GRIN2A: variants seen among roughly 807,000 people sequenced by gnomAD.
GRIN2A encodes glutamate receptor ionotropic, NMDA 2A.
Under a neutral mutation model 113.4 loss-of-function variants are expected in GRIN2A, and 22 were observed. That is an observed-to-expected ratio of 0.19 (90% CI 0.14 to 0.28). GRIN2A has a LOEUF of 0.28. Ranked by LOEUF, GRIN2A falls within the 10% of genes least tolerant of loss-of-function variation. GRIN2A has a pLI of 1.00. For missense variants in GRIN2A, 1,502 were observed against 1,887.0 expected (o/e 0.80, Z 3.78); for synonymous variants, 827 against 738.4 (o/e 1.12, Z -1.94).
chr16:9,944,478 C>T (rs2141654116), intron 2 of GRIN2A, among the ~76,000 whole-genome samples: 1 of 152,274 alleles, frequency 6.6e-6, no homozygotes, highest in East Asian at 1.9e-4. Context: ...TCCTCCTCCT[C>T]CTCACCATCA....
chr16:10,101,904 A>G lies in GRIN2A; in HGVS notation c.414+78094T>C, dbSNP rs1437980030. On this transcript the variant is annotated intron_variant, in intron 2 of 12. Transcript: ENST00000330684. ...TCTATTCAAAGTTTAGTTTAGTCTCAATTTCTAGAACATCGAGCCACTTTT... is the reference window on the plus strand; with the variant it reads ...TCTATTCAAAGTTTAGTTTAGTCTCGATTTCTAGAACATCGAGCCACTTTT... 2.6e-5 allele frequency among the ~76,000 whole-genome samples: 4 copies of G among 152,198 alleles called. No homozygotes were observed. In the South Asian group the frequency reaches 6.2e-4, roughly 24 times the overall value.
In GRIN2A at chr16:9,806,319, A is replaced by G. The variant is rs549595593; in HGVS notation, c.2169-7855T>C. ...CATTTCTCCTGGGTCAAAATTGTAC[A>G]GAGATCCAAAATTAGCTAAGAAGAT... On this transcript the variant is annotated intron_variant, in intron 10 of 12. Transcript: ENST00000330684. 1.5e-3 allele frequency among the ~76,000 whole-genome samples: 225 copies of G among 152,332 alleles called. 1 individual carries two copies. Among genetic ancestry groups the G allele is most frequent in the African/African-American group, 5.2e-3 (218 of 41,588 alleles).
At chr16:10,147,771 C>T (rs1264685044) in intron 2 of GRIN2A, among the ~76,000 whole-genome samples, 1 of 152,136 alleles carries the variant, frequency 6.6e-6, no homozygotes, top group African/African-American at 2.4e-5. Flanking sequence ...TATGTGACCT[C>T]GTGTCCCTCT....
At chr16:9,884,165 A>G (rs2043543087) in intron 4 of GRIN2A, among the ~76,000 whole-genome samples, 1 of 152,118 alleles carries the variant, frequency 6.6e-6, no homozygotes, top group African/African-American at 2.4e-5. Context: ...AATATCTACA[A>G]TTTTTATTTG....
At chr16:10,033,257 A>ATCAT (rs2046963316) in intron 2 of GRIN2A, among the ~76,000 whole-genome samples, 2 of 152,196 alleles carry the variant, frequency 1.3e-5, no homozygotes, top group South Asian at 2.1e-4. Context: ...CTGGGTTCAA[A>ATCAT]TCATTCATTC....
At chr16:10,097,187 C>T (rs1361602600) in intron 2 of GRIN2A, among the ~76,000 whole-genome samples, 2 of 152,278 alleles carry the variant, frequency 1.3e-5, no homozygotes, top group South Asian at 2.1e-4. Context: ...GTTTGGTCTT[C>T]GTGGTATATA....
intron 2 of GRIN2A, among the ~76,000 whole-genome samples, chr16:10,167,636 T>C (rs2049951266): frequency 1.3e-5 from 2 of 152,198 alleles, no homozygotes; most frequent in South Asian, 4.1e-4. Context: ...AGTTCGAAGA[T>C]CTACGATGCA....
intron 2 of GRIN2A, among the ~76,000 whole-genome samples, chr16:10,125,512 T>A (rs1309306886): frequency 6.6e-6 from 1 of 151,314 alleles, no homozygotes; most frequent in Non-Finnish European, 1.5e-5. Context: ...GAGGCCTCCC[T>A]CAATTACACA....
chr16:9,875,021 G>A (rs1056604351), intron 4 of GRIN2A, among the ~76,000 whole-genome samples: 19 of 151,738 alleles, frequency 1.3e-4, no homozygotes, highest in Non-Finnish European at 2.2e-4. Context: ...CCAGGAGGTC[G>A]AGGCCTGCAG....
At chr16:10,024,145 G>C (rs1456876465) in intron 2 of GRIN2A, among the ~76,000 whole-genome samples, 3 of 152,186 alleles carry the variant, frequency 2.0e-5, no homozygotes, top group East Asian at 3.9e-4. Context: ...GCTTCTATCA[G>C]CTATCTACCA....
intron 3 of GRIN2A, among the ~76,000 whole-genome samples, chr16:9,921,143 A>T (rs780446610): frequency 8.5e-5 from 13 of 152,182 alleles, no homozygotes; most frequent in Non-Finnish European, 1.8e-4. Flanking sequence ...TGCCTGTTTT[A>T]TTATTGGCAA....
At chr16:9,849,664 T>C in intron 5 of GRIN2A, 92 bp downstream of exon 5, 1 of 942,538 alleles carries the variant, frequency 1.1e-6, no homozygotes, top group Non-Finnish European at 1.8e-6. Context: ...CTATGACATT[T>C]TGTGATTCAA....
chr16:10,052,662 T>C (rs138917784), intron 2 of GRIN2A, among the ~76,000 whole-genome samples: 13 of 152,226 alleles, frequency 8.5e-5, no homozygotes, highest in Non-Finnish European at 1.9e-4. Context: ...AAAGAAAAGA[T>C]CTGTTGAGGC....
At chr16:10,156,750 T>A (rs926695012) in intron 2 of GRIN2A, among the ~76,000 whole-genome samples, 16 of 152,196 alleles carry the variant, frequency 1.1e-4, no homozygotes, top group Non-Finnish European at 1.5e-5. Flanking sequence ...AACAATGACA[T>A]GTTTCACACT....
In GRIN2A at chr16:9,757,211, T is replaced by C. The variant is rs1900381179; in HGVS notation, c.*5938A>G. 2 of 219,602 alleles carry C rather than the reference T, an allele frequency of 9.1e-6. No homozygotes were observed. The highest frequency in any genetic ancestry group is 3.7e-4 in the South Asian group (2 of 5,400). 13.6% of individuals were successfully genotyped at this position (219,602 alleles called of 1,614,324 possible). A position where few individuals can be genotyped will look rare whatever the true frequency, so the allele number is the denominator to read the frequency against. ...TTGGAACCAGACAAAAGCCTTCCTG[T>C]GCAAAAATGTAGGAGTGTGAGTGTG... is the stretch of plus-strand genomic sequence containing the variant. On this transcript the variant is annotated 3_prime_UTR_variant, in exon 13 of 13. Coordinates refer to ENST00000330684, the MANE Select transcript of GRIN2A (RefSeq NM_001134407.3).
chr16:9,821,107 T>C (rs990338054), intron 10 of GRIN2A, among the ~76,000 whole-genome samples: 3 of 152,040 alleles, frequency 2.0e-5, no homozygotes, highest in Non-Finnish European at 4.4e-5. Flanking sequence ...CAGCAAGGCC[T>C]TCACAATGGG....
intron 2 of GRIN2A, among the ~76,000 whole-genome samples, chr16:10,062,630 C>T (rs796423013): frequency 3.3e-5 from 5 of 152,190 alleles, no homozygotes; most frequent in African/African-American, 9.6e-5. Context: ...TTTGGGAGGC[C>T]GAGGTGGGTG....
intron 2 of GRIN2A, among the ~76,000 whole-genome samples, chr16:10,011,150 G>A (rs1165369744): frequency 6.6e-6 from 1 of 152,114 alleles, no homozygotes; most frequent in East Asian, 1.9e-4. Flanking sequence ...GAAATTACAC[G>A]GTAATAGTTG....
chr16:9,967,442 A>T (rs1168500144), intron 2 of GRIN2A, among the ~76,000 whole-genome samples: 1 of 152,224 alleles, frequency 6.6e-6, no homozygotes, highest in Non-Finnish European at 1.5e-5. Flanking sequence ...ACAGTGACTC[A>T]CGCCTGTAAT....
Sources: allele counts gnomAD v4.1 joint callset (sites outside exome capture counted in the v4.1 genomes callset), GRCh38; gene constraint gnomAD v4.1.1; transcripts MANE v1.5; gene names NCBI Gene and HGNC (gene_info 2026-07-23, HGNC 2026-07-21).